The following CCL24 variants were observed in gnomAD, a reference collection of about 807,000 sequenced individuals.
The protein encoded by CCL24 is C-C motif chemokine 24.
In CCL24, 6 loss-of-function variants were observed where a neutral mutation model predicts 8.6. That is an observed-to-expected ratio of 0.70 (90% CI 0.38 to 1.38). The LOEUF is 1.38. Ranked by LOEUF, CCL24 falls within the 40% of genes most tolerant of loss-of-function variation. CCL24 has a pLI of 0.02. For missense variants in CCL24, 126 were observed against 147.1 expected (o/e 0.86, Z 0.74); for synonymous variants, 59 against 52.7 (o/e 1.12, Z -0.52).
chr7:75,814,257 A>C (rs1585028271), upstream of CCL24, among the ~76,000 whole-genome samples: 1 of 152,100 alleles, frequency 6.6e-6, no homozygotes, highest in East Asian at 1.9e-4. Context: ...TTTGTGATCA[A>C]GTGTGTGTAA....
chr7:75,813,222 G>T, intron 2 of CCL24, 84 bp downstream of exon 2: 2 of 766,722 alleles, frequency 2.6e-6, no homozygotes, highest in Non-Finnish European at 2.3e-6. Context: ...CAGAGCTGGG[G>T]CTGGCTGACC....
At position 75,813,393 on chromosome 7, in the gene CCL24, A is replaced by G; in HGVS notation, c.104T>C (p.Met35Thr). 1 of 1,613,456 alleles carries G rather than the reference A, an allele frequency of 6.2e-7. No individual in the cohort carries two copies. Among genetic ancestry groups the G allele is most frequent in the East Asian group, 2.2e-5 (1 of 44,862 alleles). The stretch of plus-strand genomic sequence containing the variant: ...AGGAATTCTCTTGGAAACAAAGAAC[A>G]TGCAGCAGGGAGAGGGGATGACCAC... ...GSVVIPSPCC[M>T]FFVSKRIPEN... is the part of the protein sequence containing the mutation. Residue 35 changes from methionine to threonine, a missense_variant, in exon 2 of 3, where the codon ATG becomes ACG. Coordinates refer to ENST00000222902, the MANE Select transcript of CCL24 (RefSeq NM_002991.3).
At chr7:75,820,087 TC>T (rs1554534837) in intron 1 of CCL24, among the ~76,000 whole-genome samples, 1 of 136,388 alleles carries the variant, frequency 7.3e-6, no homozygotes, top group Non-Finnish European at 1.6e-5. Flanking sequence ...TTCTTCTTCT[TC>T]CTCTTCTTCT....
At chr7:75,816,112 C>T (rs377764518), upstream of CCL24, among the ~76,000 whole-genome samples, 18 of 152,114 alleles carry the variant, frequency 1.2e-4, no homozygotes, top group Admixed American at 8.5e-4. Context: ...TTGACCTGAA[C>T]GCCTTGAGAT....
At chr7:75,812,538 C>A (rs1554533557) in intron 2 of CCL24, among the ~76,000 whole-genome samples, 1 of 152,174 alleles carries the variant, frequency 6.6e-6, no homozygotes, top group Non-Finnish European at 1.5e-5. Context: ...AAAATGGGAA[C>A]AATCATCGCT....
upstream of CCL24, among the ~76,000 whole-genome samples, chr7:75,816,566 T>A (rs1389901500): frequency 6.7e-6 from 1 of 148,650 alleles, no homozygotes; most frequent in Non-Finnish European, 1.5e-5. Context: ...TTTATTTATT[T>A]ATTTATTATT....
chr7:75,813,878 T>G, upstream of CCL24: 1 of 546,240 alleles, frequency 1.8e-6, no homozygotes, highest in Non-Finnish European at 3.4e-6. Flanking sequence ...CCCTCCACGC[T>G]TCCTTGAAAA....
upstream of CCL24, among the ~76,000 whole-genome samples, chr7:75,817,130 C>A (rs541272417): frequency 6.6e-6 from 1 of 151,836 alleles, no homozygotes; most frequent in Admixed American, 6.6e-5. Flanking sequence ...CCTCCCAAAG[C>A]GCTGGGATTA....
At chr7:75,816,824 C>G (rs59990574), upstream of CCL24, among the ~76,000 whole-genome samples, 5 of 143,958 alleles carry the variant, frequency 3.5e-5, no homozygotes, top group Non-Finnish European at 6.0e-5. Context: ...GGCCCCCCAA[C>G]GTGCTGGGAT....
intron 1 of CCL24, among the ~76,000 whole-genome samples, chr7:75,820,884 C>T (rs1015064938): frequency 2.0e-5 from 3 of 151,436 alleles, no homozygotes; most frequent in Non-Finnish European, 2.9e-5. Flanking sequence ...CTCATCTATC[C>T]ATCCATCCAT....
rs781810964 is a variant in CCL24 at position 75,811,941 on chromosome 7, T to C, written c.215A>G (p.Gln72Arg). Reference protein sequence around the residue: ...GVIFTTKKGQQFCGDPKQEWV... With the variant: ...GVIFTTKKGQRFCGDPKQEWV... ...CTCCTGCTTGGGGTCGCCACAGAAC[T>C]GCTGGCCCTTCTTGGTGGTGAAGCT... Residue 72 changes from glutamine to arginine, a missense_variant, in exon 3 of 3, where the codon CAG becomes CGG. Gln to Arg is a conservative substitution (Grantham distance 43, BLOSUM62 1). Transcript: ENST00000222902. The C allele has an allele frequency of 1.9e-6, 3 of 1,609,456 alleles. No individual in the cohort carries two copies. Among genetic ancestry groups the C allele is most frequent in the Non-Finnish European group, 2.5e-6 (3 of 1,179,080 alleles).
rs1752694204 is a variant in CCL24, at chr7:75,811,807, T to C, written c.349A>G (p.Thr117Ala). 6.2e-7 allele frequency: 1 copy of C among 1,612,984 alleles called. No homozygotes were observed. Among genetic ancestry groups the C allele is most frequent in the South Asian group, 1.1e-5 (1 of 91,002 alleles). The change falls in exon 3 of 3, where the codon ACC becomes GCC. Residue 117 changes from threonine (T) to alanine (A), a missense_variant. Physicochemically the swap from Thr to Ala is moderately conservative, Grantham distance 58. Transcript: ENST00000222902. ...GGGCTGGGCGGGGATTAGCAGGTGG[T>C]TTGGTTGCCAGGATATCTCTGGACA... is the stretch of plus-strand genomic sequence containing the variant. ...GPVQRYPGNQ[T>A]TC
rs545757007 is a variant in CCL24 at position 75,811,714 on chromosome 7, C to G, written c.*82G>C. The G allele has an allele frequency of 4.0e-6, 5 of 1,257,288 alleles. No individual in the cohort carries two copies. The African/African-American group carries it at 6.0e-5, about 15-fold the overall frequency. The allele number at this position is 1,257,288 out of a possible 1,614,324, so 77.9% of individuals were successfully genotyped here. On this transcript the variant is annotated 3_prime_UTR_variant, in exon 3 of 3. Coordinates refer to ENST00000222902, the MANE Select transcript of CCL24 (RefSeq NM_002991.3). Reference sequence around the variant, plus strand: ...GAAACAGGAAAATTAGCTCTTCCCCCCATCACTGTGGCTTCTCCAGGCCCC... The same window carrying G: ...GAAACAGGAAAATTAGCTCTTCCCCGCATCACTGTGGCTTCTCCAGGCCCC...
intron 1 of CCL24, among the ~76,000 whole-genome samples, chr7:75,819,336 A>G (rs868990324): frequency 1.0e-5 from 1 of 97,922 alleles, no homozygotes; most frequent in East Asian, 2.7e-4. Context: ...ATATATATAT[A>G]TTCATAGGCT....
chr7:75,813,015 A>G (rs1803807794), intron 2 of CCL24, among the ~76,000 whole-genome samples: 2 of 151,686 alleles, frequency 1.3e-5, no homozygotes, highest in South Asian at 4.2e-4. Context: ...AGATGGGAGG[A>G]TCACTTGAGC....
At chr7:75,819,543 G>A (rs1203882710) in intron 1 of CCL24, among the ~76,000 whole-genome samples, 2 of 150,408 alleles carry the variant, frequency 1.3e-5, no homozygotes, top group South Asian at 2.1e-4. Context: ...CAGGAGGATC[G>A]CTTGAACCCA....
At chr7:75,823,143 T>A (rs1273117562) in intron 1 of CCL24, among the ~76,000 whole-genome samples, 1 of 152,118 alleles carries the variant, frequency 6.6e-6, no homozygotes, top group Admixed American at 6.6e-5. Flanking sequence ...TGGGGTGTGA[T>A]GCAGGGGGGA....
chr7:75,818,665 C>T (rs926397903), upstream of CCL24, among the ~76,000 whole-genome samples: 3 of 144,894 alleles, frequency 2.1e-5, no homozygotes, highest in Non-Finnish European at 4.5e-5. Context: ...GAAGTGGGAA[C>T]CTGGCAGGGG....
chr7:75,818,636 G>GAGGAA (rs1445924980), upstream of CCL24, among the ~76,000 whole-genome samples: 1 of 148,940 alleles, frequency 6.7e-6, no homozygotes, highest in African/African-American at 2.4e-5. Flanking sequence ...AAATTAGAAA[G>GAGGAA]AGGAAGAGGG....
Sources: allele counts gnomAD v4.1 joint callset (sites outside exome capture counted in the v4.1 genomes callset), GRCh38; gene constraint gnomAD v4.1.1; transcripts MANE v1.5; gene names NCBI Gene and HGNC (gene_info 2026-07-23, HGNC 2026-07-21).